HPCAL1: variants seen among roughly 807,000 people sequenced by gnomAD.
The protein encoded by HPCAL1 is hippocalcin-like protein 1.
HPCAL1 carries 8 observed loss-of-function variants against 17.1 expected under a neutral mutation model. The ratio of observed to expected loss-of-function variants is 0.47; its 90% confidence interval spans 0.27 to 0.84. The LOEUF is 0.84. Ranked by LOEUF, HPCAL1 falls within the 40% of genes least tolerant of loss-of-function variation. The pLI is 0.13. For synonymous variants in HPCAL1, 112 were observed against 111.4 expected, an observed-to-expected ratio of 1.01 and a Z score of -0.03; for missense variants, 165 against 271.1, an observed-to-expected ratio of 0.61 and a Z score of 2.75.
chr2:10,427,053 G>A lies in HPCAL1; in HGVS notation c.*232G>A, dbSNP rs989722881. 2 of 546,522 alleles carry A rather than the reference G, an allele frequency of 3.7e-6. No individual in the cohort carries two copies. The highest frequency in any genetic ancestry group is 2.0e-5 in the South Asian group (1 of 49,378). 33.9% of individuals were successfully genotyped at this position (546,522 alleles called of 1,614,324 possible). ...TTCCAGGGCAACTCCCAGGGATGTGGTGACATGCAGGGTTCAAGTGTTCTT... is the reference window on the plus strand; with the variant it reads ...TTCCAGGGCAACTCCCAGGGATGTGATGACATGCAGGGTTCAAGTGTTCTT... On this transcript the variant is annotated 3_prime_UTR_variant, in exon 5 of 5. Transcript: ENST00000307845.
intron 1 of HPCAL1, among the ~76,000 whole-genome samples, chr2:10,358,369 A>G (rs116095964): frequency 2.7e-3 from 412 of 152,306 alleles, no homozygotes; most frequent in African/African-American, 9.3e-3. Flanking sequence ...GGGGCAGGGA[A>G]GTGCTGGGAG....
chr2:10,368,403 G>A (rs1481516975), intron 1 of HPCAL1, among the ~76,000 whole-genome samples: 1 of 152,128 alleles, frequency 6.6e-6, no homozygotes, highest in African/African-American at 2.4e-5. Context: ...GCATATGTGT[G>A]TCTGCATTCA....
At chr2:10,341,846 G>A (rs1310108740) in intron 1 of HPCAL1, among the ~76,000 whole-genome samples, 1 of 152,176 alleles carries the variant, frequency 6.6e-6, no homozygotes, top group Non-Finnish European at 1.5e-5. Context: ...GTTTGGGGTT[G>A]AAGAAGTCCT....
chr2:10,361,713 T>TA (rs1436967037), intron 1 of HPCAL1, among the ~76,000 whole-genome samples: 6 of 151,234 alleles, frequency 4.0e-5, no homozygotes, highest in African/African-American at 7.3e-5. Context: ...GCTAACTTCT[T>TA]AAATTTTTTT....
At chr2:10,336,725 G>A (rs77041932) in intron 1 of HPCAL1, among the ~76,000 whole-genome samples, 1,540 of 152,318 alleles carry the variant, frequency 0.01, 28 homozygotes, top group African/African-American at 0.035. Flanking sequence ...AAAAAAGATG[G>A]TGGAACAACA....
chr2:10,339,153 GA>G (rs944930091), intron 1 of HPCAL1, among the ~76,000 whole-genome samples: 14 of 151,494 alleles, frequency 9.2e-5, no homozygotes, highest in Non-Finnish European at 1.3e-4. Context: ...ATGTATATTT[GA>G]AAAAAAAATT....
intron 2 of HPCAL1, among the ~76,000 whole-genome samples, chr2:10,418,539 A>G (rs1351146913): frequency 6.6e-6 from 1 of 151,934 alleles, no homozygotes; most frequent in Non-Finnish European, 1.5e-5. Flanking sequence ...CTTACCTTTC[A>G]TAATGGAGAG....
At chr2:10,328,305 G>A (rs772903908) in intron 1 of HPCAL1, among the ~76,000 whole-genome samples, 1 of 152,244 alleles carries the variant, frequency 6.6e-6, no homozygotes, top group Non-Finnish European at 1.5e-5. Flanking sequence ...CCCCAACCTG[G>A]AGTGGTGCCA....
In HPCAL1 at chr2:10,427,170, A is replaced by T. The variant is rs1284265410; in HGVS notation, c.*349A>T. 1 of 256,800 alleles carries T rather than the reference A, an allele frequency of 3.9e-6. No individual in the cohort carries two copies. Among genetic ancestry groups the T allele is most frequent in the Non-Finnish European group, 7.6e-6 (1 of 131,032 alleles). 15.9% of individuals were successfully genotyped at this position (256,800 alleles called of 1,614,324 possible). A position where few individuals can be genotyped will look rare whatever the true frequency, so the allele number is the denominator to read the frequency against. On this transcript the variant is annotated 3_prime_UTR_variant, in exon 5 of 5. Coordinates refer to ENST00000307845, the MANE Select transcript of HPCAL1 (RefSeq NM_002149.4). ...CCCGAGGCTGCGCCCCGGCCGGCCC[A>T]TGCGTTTTGTGATCCCAAGTGACTC...
chr2:10,392,284 T>TC (rs1293398366), intron 1 of HPCAL1, among the ~76,000 whole-genome samples: 10 of 150,220 alleles, frequency 6.7e-5, no homozygotes, highest in Non-Finnish European at 1.5e-4. Context: ...CAAGCGATCC[T>TC]CCCACCTTGG....
intron 2 of HPCAL1, among the ~76,000 whole-genome samples, chr2:10,403,988 A>G (rs903449679): frequency 3.9e-5 from 6 of 151,964 alleles, no homozygotes; most frequent in African/African-American, 1.2e-4. Flanking sequence ...CATACCCTGC[A>G]TTTGTTAATG....
chr2:10,360,050 C>T (rs1027703955), intron 1 of HPCAL1, among the ~76,000 whole-genome samples: 1 of 152,132 alleles, frequency 6.6e-6, no homozygotes, highest in African/African-American at 2.4e-5. Flanking sequence ...GGGCTCCTGG[C>T]GCAGCAGGCC....
intron 2 of HPCAL1, among the ~76,000 whole-genome samples, chr2:10,414,451 C>A (rs1216041912): frequency 6.6e-6 from 1 of 152,190 alleles, no homozygotes; most frequent in Non-Finnish European, 1.5e-5. Flanking sequence ...TTGCAGATGG[C>A]TGTCATTTTG....
intron 1 of HPCAL1, among the ~76,000 whole-genome samples, chr2:10,368,282 G>A (rs1340680063): frequency 2.6e-5 from 4 of 151,194 alleles, no homozygotes; most frequent in African/African-American, 4.9e-5. Context: ...GTGTGCATAC[G>A]TGTGTGTAGG....
At chr2:10,372,326 G>T (rs970978092) in intron 1 of HPCAL1, among the ~76,000 whole-genome samples, 1 of 152,188 alleles carries the variant, frequency 6.6e-6, no homozygotes, top group Non-Finnish European at 1.5e-5. Context: ...TCATAGGAGC[G>T]AATGGAGCAC....
At chr2:10,381,446 C>T (rs577226154) in intron 1 of HPCAL1, among the ~76,000 whole-genome samples, 55 of 152,294 alleles carry the variant, frequency 3.6e-4, no homozygotes, top group African/African-American at 1.2e-3. Flanking sequence ...GACTGTAATG[C>T]GCACTGCGTG....
intron 1 of HPCAL1, among the ~76,000 whole-genome samples, chr2:10,329,383 G>A (rs1462914171): frequency 6.6e-6 from 1 of 152,328 alleles, no homozygotes; most frequent in South Asian, 2.1e-4. Context: ...GTCCATAAAA[G>A]TAAGGAACCT....
chr2:10,381,428 T>C (rs1667934142), intron 1 of HPCAL1, among the ~76,000 whole-genome samples: 1 of 152,180 alleles, frequency 6.6e-6, no homozygotes, highest in Admixed American at 6.5e-5. Context: ...GATGCGACGC[T>C]CCTTCTGGAC....
At chr2:10,371,856 C>T (rs73914060) in intron 1 of HPCAL1, among the ~76,000 whole-genome samples, 9,250 of 152,210 alleles carry the variant, frequency 0.061, 782 homozygotes, top group African/African-American at 0.19. Context: ...TGGCTTTGTC[C>T]GGGGGGTTTT....
Sources: gnomAD v4.1 joint callset for allele counts (sites outside exome capture counted in the v4.1 genomes callset) on GRCh38, gnomAD v4.1.1 for gene constraint, MANE v1.5 for transcripts, NCBI Gene and HGNC (gene_info 2026-07-23, HGNC 2026-07-21) for gene names.